Variants in SLC35F4 observed in about 807,000 individuals in gnomAD.
The protein encoded by SLC35F4 is solute carrier family 35 member F4.
A neutral mutation model predicts 44.2 loss-of-function variants in SLC35F4; 24 were observed. The observed-to-expected ratio is 0.54, with a 90% CI of 0.39 to 0.76. SLC35F4 has a LOEUF of 0.76. Among genes scored for constraint, SLC35F4 ranks in the 30% least tolerant of loss-of-function variants. The pLI, the probability that SLC35F4 is intolerant of heterozygous loss-of-function variation, is 0.00. For missense variants in SLC35F4, 562 were observed against 586.1 expected (o/e 0.96, Z 0.42); for synonymous variants, 238 against 223.6 (o/e 1.06, Z -0.57).
At chr14:57,911,266 T>C (rs1273433006) in intron 1 of SLC35F4, among the ~76,000 whole-genome samples, 2 of 152,024 alleles carry the variant, frequency 1.3e-5, no homozygotes, top group Non-Finnish European at 2.9e-5. Flanking sequence ...CTAATCTATA[T>C]ATCCTTGATT....
chr14:57,734,569 T>C lies in SLC35F4; in HGVS notation c.103+131154A>G, dbSNP rs564414833. On this transcript the variant is annotated intron_variant, in intron 1 of 7. Transcript: ENST00000556826. ...TCCACATGTAAAAAGGATTGGAGAA[T>C]ATTGTGCATTCTTATCACTATATTA... Among the ~76,000 whole-genome samples the C allele has an allele frequency of 1.2e-4, 18 of 152,288 alleles. 1 individual carries two copies. In the East Asian group the frequency reaches 3.5e-3, roughly 29 times the overall value.
chr14:57,683,186 C>G (rs2074960710), intron 1 of SLC35F4, among the ~76,000 whole-genome samples: 1 of 152,034 alleles, frequency 6.6e-6, no homozygotes, highest in Admixed American at 6.6e-5. Flanking sequence ...TATTTTATCC[C>G]CAGAAGTAAA....
chr14:57,748,777 A>G (rs2140549636), intron 1 of SLC35F4, among the ~76,000 whole-genome samples: 1 of 152,278 alleles, frequency 6.6e-6, no homozygotes, highest in African/African-American at 2.4e-5. Flanking sequence ...GCTATTTTGG[A>G]ATTAGAGGAG....
downstream of SLC35F4, among the ~76,000 whole-genome samples, chr14:57,973,239 T>C (rs1881104545): frequency 6.6e-6 from 1 of 152,158 alleles, no homozygotes; most frequent in Admixed American, 6.5e-5. Flanking sequence ...TGCCAGGAAG[T>C]TTCTTTGTGG....
chr14:57,718,847 G>A (rs1200018856), intron 1 of SLC35F4, among the ~76,000 whole-genome samples: 1 of 152,064 alleles, frequency 6.6e-6, no homozygotes, highest in Admixed American at 6.6e-5. Context: ...TTAATGTGGT[G>A]TGATCCCATT....
chr14:57,953,470 T>A (rs997408231), intron 1 of SLC35F4, among the ~76,000 whole-genome samples: 1 of 152,104 alleles, frequency 6.6e-6, no homozygotes, highest in Non-Finnish European at 1.5e-5. Context: ...ATGCCTTAAT[T>A]AAAAGACACA....
chr14:57,655,748 C>T (rs2073945160), intron 1 of SLC35F4, among the ~76,000 whole-genome samples: 1 of 152,138 alleles, frequency 6.6e-6, no homozygotes, highest in East Asian at 1.9e-4. Flanking sequence ...CCTATAGACA[C>T]ACACTACTCC....
intron 1 of SLC35F4, among the ~76,000 whole-genome samples, chr14:57,830,509 A>G (rs765488157): frequency 1.1e-4 from 16 of 152,168 alleles, no homozygotes; most frequent in Non-Finnish European, 1.9e-4. Flanking sequence ...TGGAAATCCT[A>G]AAAGATATTT....
intron 1 of SLC35F4, among the ~76,000 whole-genome samples, chr14:57,758,042 T>TG (rs57803929): frequency 1.3e-5 from 2 of 150,672 alleles, no homozygotes; most frequent in Non-Finnish European, 1.5e-5. Context: ...TGTGTGTGTG[T>TG]TATTTTAATA....
chr14:57,797,719 G>T (rs958115253), intron 1 of SLC35F4, among the ~76,000 whole-genome samples: 59 of 152,110 alleles, frequency 3.9e-4, no homozygotes, highest in Admixed American at 1.2e-3. Flanking sequence ...TAACTGAGAA[G>T]AAATTTGTAA....
rs752801012 is a variant in SLC35F4 at position 57,777,049 on chromosome 14, ATAAC to A, written c.103+88670_103+88673del. Reference sequence around the variant, plus strand: ...GCAACCACACAAACAAGTCAGCATAATAACTAACTAACAACACGATGACAGGATT... The same window carrying A: ...GCAACCACACAAACAAGTCAGCATAATAACTAACAACACGATGACAGGATT... On this transcript the variant is annotated intron_variant, in intron 1 of 7. Transcript: ENST00000556826. 4.7e-4 allele frequency among the ~76,000 whole-genome samples: 71 copies of A among 152,344 alleles called. No individual in the cohort carries two copies. The East Asian group carries it at 6.9e-3, about 15-fold the overall frequency.
intron 1 of SLC35F4, among the ~76,000 whole-genome samples, chr14:57,924,379 T>C (rs1266987627): frequency 6.6e-6 from 1 of 151,920 alleles, no homozygotes; most frequent in African/African-American, 2.4e-5. Flanking sequence ...TGTACAGAGA[T>C]AACATGCAAA....
intron 1 of SLC35F4, among the ~76,000 whole-genome samples, chr14:57,938,554 C>T (rs1191521110): frequency 1.3e-5 from 2 of 152,224 alleles, no homozygotes; most frequent in East Asian, 3.8e-4. Context: ...ATTATTGTCA[C>T]ATAAATGCAA....
At chr14:57,965,844 G>A (rs1199816353) in intron 1 of SLC35F4, among the ~76,000 whole-genome samples, 1 of 152,074 alleles carries the variant, frequency 6.6e-6, no homozygotes, top group African/African-American at 2.4e-5. Context: ...GTTTAACCAC[G>A]AAGGCTTTTA....
intron 1 of SLC35F4, among the ~76,000 whole-genome samples, chr14:57,678,924 G>T (rs778643799): frequency 3.3e-5 from 5 of 151,902 alleles, no homozygotes; most frequent in Non-Finnish European, 7.4e-5. Flanking sequence ...CACAGTAATA[G>T]TGGGAGACTT....
At chr14:57,623,272 T>A (rs2072294948) in intron 1 of SLC35F4, among the ~76,000 whole-genome samples, 1 of 152,162 alleles carries the variant, frequency 6.6e-6, no homozygotes, top group African/African-American at 2.4e-5. Context: ...ATATCCTAAA[T>A]ATATATGTGC....
intron 1 of SLC35F4, among the ~76,000 whole-genome samples, chr14:57,620,916 C>A (rs1303735865): frequency 3.3e-5 from 5 of 151,990 alleles, no homozygotes; most frequent in Non-Finnish European, 5.9e-5. Context: ...ATCTAGAAAA[C>A]CCCATCATCT....
At chr14:57,613,472 T>G (rs2140059025) in intron 1 of SLC35F4, among the ~76,000 whole-genome samples, 1 of 152,234 alleles carries the variant, frequency 6.6e-6, no homozygotes, top group Non-Finnish European at 1.5e-5. Context: ...GTCAAAAACG[T>G]CAGTCACCCT....
chr14:57,977,192 G>T (rs1881244053), intron 1 of SLC35F4, among the ~76,000 whole-genome samples: 1 of 151,830 alleles, frequency 6.6e-6, no homozygotes, highest in Admixed American at 6.6e-5. Flanking sequence ...AATTTTTTTT[G>T]GATTTGAGTG....
Sources: gnomAD v4.1 joint callset for allele counts (sites outside exome capture counted in the v4.1 genomes callset) on GRCh38, gnomAD v4.1.1 for gene constraint, MANE v1.5 for transcripts, NCBI Gene and HGNC (gene_info 2026-07-23, HGNC 2026-07-21) for gene names.